CCBE1: variants seen among roughly 807,000 people sequenced by gnomAD.
The protein encoded by CCBE1 is collagen and calcium binding EGF domains 1.
CCBE1 carries 37 observed loss-of-function variants against 50.0 expected under a neutral mutation model. That is an observed-to-expected ratio of 0.74 (90% CI 0.57 to 0.97). The LOEUF (loss-of-function observed/expected upper bound fraction) is 0.97, where lower values mean the gene tolerates loss of function less well. CCBE1 is among the 50% of genes least tolerant of loss of function. CCBE1 has a pLI of 0.00. For missense variants in CCBE1, 538 were observed against 523.8 expected (o/e 1.03, Z -0.26); for synonymous variants, 234 against 203.7 (o/e 1.15, Z -1.27).
At chr18:59,645,988 G>A (rs572958740) in intron 2 of CCBE1, among the ~76,000 whole-genome samples, 1 of 151,804 alleles carries the variant, frequency 6.6e-6, no homozygotes, top group South Asian at 2.1e-4. Flanking sequence ...CCGAGATTGC[G>A]CCACTGCAGT....
At chr18:59,441,890 G>C (rs1176102979) in intron 7 of CCBE1, among the ~76,000 whole-genome samples, 2 of 152,166 alleles carry the variant, frequency 1.3e-5, no homozygotes, top group Admixed American at 1.3e-4. Context: ...TGTAATTGGA[G>C]TCCAAGGAGA....
intron 2 of CCBE1, among the ~76,000 whole-genome samples, chr18:59,597,039 C>T (rs938148715): frequency 2.0e-5 from 3 of 152,224 alleles, no homozygotes; most frequent in Non-Finnish European, 2.9e-5. Flanking sequence ...TAATCAAAAG[C>T]TTCCACATGC....
chr18:59,454,811 T>G, intron 6 of CCBE1, 40 bp downstream of exon 6: 1 of 1,539,738 alleles, frequency 6.5e-7, no homozygotes, highest in Middle Eastern at 1.7e-4. Context: ...CAAGCCCTCC[T>G]TCCATCAGGC....
intron 2 of CCBE1, among the ~76,000 whole-genome samples, chr18:59,599,810 C>T (rs886772967): frequency 5.3e-5 from 8 of 152,112 alleles, no homozygotes; most frequent in Non-Finnish European, 2.9e-5. Context: ...TGACAGGCTC[C>T]GAAACAGACT....
At chr18:59,581,548 AT>A (rs1304647005) in intron 2 of CCBE1, among the ~76,000 whole-genome samples, 4 of 152,202 alleles carry the variant, frequency 2.6e-5, no homozygotes, top group Admixed American at 2.6e-4. Flanking sequence ...CCACTGGGTA[AT>A]AAAGCACATT....
chr18:59,476,472 G>C (rs1052478847), intron 3 of CCBE1, among the ~76,000 whole-genome samples: 27 of 152,134 alleles, frequency 1.8e-4, no homozygotes, highest in Non-Finnish European at 8.8e-5. Flanking sequence ...TATGTTAAGG[G>C]GCCAGATGAT....
At position 59,467,531 on chromosome 18, in the gene CCBE1, C is replaced by T. The variant is rs184306179; in HGVS notation, c.401-640G>A. On this transcript the variant is annotated intron_variant, in intron 4 of 10. Transcript: ENST00000439986. ...AGAACCCAGACAGACCCCTCATGAG[C>T]TGTGGAAATGAGCCATGGGACCATC... Among the ~76,000 whole-genome samples the T allele has an allele frequency of 6.6e-4, 100 of 152,302 alleles. 1 individual carries two copies. The East Asian group carries it at 0.016, about 24-fold the overall frequency.
At chr18:59,566,861 A>G (rs1377967335) in intron 2 of CCBE1, among the ~76,000 whole-genome samples, 1 of 152,160 alleles carries the variant, frequency 6.6e-6, no homozygotes, top group Admixed American at 6.5e-5. Flanking sequence ...TACCAAAAAA[A>G]TCTCTAAAGC....
chr18:59,467,491 A>G (rs550034931), intron 4 of CCBE1, among the ~76,000 whole-genome samples: 1 of 152,258 alleles, frequency 6.6e-6, no homozygotes, highest in African/African-American at 2.4e-5. Context: ...TCCCCAGGAA[A>G]TTTCTGCCTC....
chr18:59,459,504 TTTC>T (rs1367896062), intron 5 of CCBE1, among the ~76,000 whole-genome samples: 1 of 152,340 alleles, frequency 6.6e-6, no homozygotes, highest in East Asian at 1.9e-4. Flanking sequence ...CTTAACATTT[TTTC>T]TTCAACTTGT....
At position 59,469,557 on chromosome 18, in the gene CCBE1, A is replaced by C. The variant is rs1342359486; in HGVS notation, c.316T>G (p.Phe106Val). The C allele has an allele frequency of 6.2e-7, 1 of 1,614,164 alleles. No homozygotes were observed. Among genetic ancestry groups the C allele is most frequent in the Non-Finnish European group, 8.5e-7 (1 of 1,180,028 alleles). The change falls in exon 4 of 11, where the codon TTT becomes GTT. Residue 106 changes from phenylalanine (F) to valine (V), a missense_variant. Coordinates refer to ENST00000439986, the MANE Select transcript of CCBE1 (RefSeq NM_133459.4). ...TAACAAGTACACAGCACTCGGCCAAAGTTGTCCGTGCACTGCTGTTCACAG... is the reference window on the plus strand; with the variant it reads ...TAACAAGTACACAGCACTCGGCCAACGTTGTCCGTGCACTGCTGTTCACAG... ...APCEQQCTDN[F>V]GRVLCTCYPG... is the part of the protein sequence containing the mutation.
chr18:59,487,968 A>G (rs1421380338), intron 2 of CCBE1, among the ~76,000 whole-genome samples: 1 of 152,248 alleles, frequency 6.6e-6, no homozygotes. Context: ...GGATGAACGG[A>G]TAAAGAGGTG....
chr18:59,524,384 CTT>C (rs1419145889), intron 2 of CCBE1, among the ~76,000 whole-genome samples: 1 of 152,068 alleles, frequency 6.6e-6, no homozygotes, highest in East Asian at 1.9e-4. Flanking sequence ...TTATTTTGCA[CTT>C]TGTTTTGTGA....
chr18:59,622,801 C>CA (rs1303288095), intron 2 of CCBE1, among the ~76,000 whole-genome samples: 112 of 65,564 alleles, frequency 1.7e-3, no homozygotes, highest in East Asian at 2.5e-3. Context: ...GATTCCATCT[C>CA]AAAAAAAAAA....
intron 2 of CCBE1, among the ~76,000 whole-genome samples, chr18:59,572,385 G>T (rs535208613): frequency 6.6e-5 from 10 of 152,204 alleles, no homozygotes; most frequent in Admixed American, 3.3e-4. Context: ...TGTTATTACA[G>T]ATCGATTTTT....
intron 2 of CCBE1, among the ~76,000 whole-genome samples, chr18:59,663,538 G>C (rs937197966): frequency 2.0e-5 from 3 of 152,100 alleles, no homozygotes; most frequent in African/African-American, 7.2e-5. Context: ...AAGGAGGATG[G>C]AAGAGATGTA....
Position 59,454,961 on chromosome 18 carries a change from G to T in CCBE1, c.554-10C>A, listed in dbSNP as rs571088219. On this transcript the variant is annotated splice_polypyrimidine_tract_variant and intron_variant, in intron 5 of 10. Coordinates refer to ENST00000439986, the MANE Select transcript of CCBE1 (RefSeq NM_133459.4). ...TCAGACTTCTCATGGCCTGAGAAAG[G>T]AGATAGGCTCAGTCCTGTCTGGGAG... is the stretch of plus-strand genomic sequence containing the variant. 3.1e-6 allele frequency: 5 copies of T among 1,608,696 alleles called. No individual in the cohort carries two copies. Among genetic ancestry groups the T allele is most frequent in the Non-Finnish European group, 3.4e-6 (4 of 1,175,500 alleles).
chr18:59,469,988 C>G (rs528099072), intron 3 of CCBE1, among the ~76,000 whole-genome samples: 1 of 152,246 alleles, frequency 6.6e-6, no homozygotes, highest in African/African-American at 2.4e-5. Context: ...GAATACTAAA[C>G]AAAGGCCAGC....
intron 2 of CCBE1, among the ~76,000 whole-genome samples, chr18:59,512,813 C>A (rs192945820): frequency 9.1e-4 from 139 of 152,326 alleles, no homozygotes; most frequent in African/African-American, 3.3e-3. Context: ...AGCAGGCCCA[C>A]GGCTCTCACT....
Sources: gnomAD v4.1 joint callset for allele counts (sites outside exome capture counted in the v4.1 genomes callset) on GRCh38, gnomAD v4.1.1 for gene constraint, MANE v1.5 for transcripts, NCBI Gene and HGNC (gene_info 2026-07-23, HGNC 2026-07-21) for gene names.